Variants in NCAM1 observed in about 807,000 individuals in gnomAD.
The protein encoded by NCAM1 is antigen recognized by monoclonal antibody 5.1H11.
A neutral mutation model predicts 109.8 loss-of-function variants in NCAM1; 14 were observed. The observed-to-expected ratio is 0.13, with a 90% CI of 0.08 to 0.20. NCAM1 has a LOEUF of 0.20. NCAM1 is among the 10% of genes least tolerant of loss of function. NCAM1 has a pLI of 1.00. For synonymous variants in NCAM1, 418 were observed against 442.9 expected, an observed-to-expected ratio of 0.94 and a Z score of 0.70; for missense variants, 774 against 1,109.9, an observed-to-expected ratio of 0.70 and a Z score of 4.30.
intron 1 of NCAM1, among the ~76,000 whole-genome samples, chr11:113,052,368 G>C (rs782571289): frequency 6.6e-6 from 1 of 152,172 alleles, no homozygotes; most frequent in Non-Finnish European, 1.5e-5. Flanking sequence ...GTATTTCTCA[G>C]AAATCATCTT....
chr11:113,014,318 A>C (rs1376036311), intron 1 of NCAM1, among the ~76,000 whole-genome samples: 1 of 152,106 alleles, frequency 6.6e-6, no homozygotes, highest in Non-Finnish European at 1.5e-5. Context: ...TGGAAATAGC[A>C]TTTTCTCCAA....
chr11:113,091,964 A>G (rs1939364695), intron 1 of NCAM1, among the ~76,000 whole-genome samples: 1 of 149,890 alleles, frequency 6.7e-6, no homozygotes, highest in Non-Finnish European at 1.5e-5. Context: ...TTTCTTAAGT[A>G]AAGATTGAGT....
At chr11:113,261,734 GGAGGT>G (rs1946005562) in intron 17 of NCAM1, among the ~76,000 whole-genome samples, 1 of 152,208 alleles carries the variant, frequency 6.6e-6, no homozygotes, top group South Asian at 2.1e-4. Context: ...GGGACACTTA[GGAGGT>G]GAGATCAGGT....
chr11:113,150,176 C>A (rs947379331), intron 1 of NCAM1, among the ~76,000 whole-genome samples: 2 of 152,128 alleles, frequency 1.3e-5, no homozygotes, highest in Non-Finnish European at 2.9e-5. Flanking sequence ...AGGTAAATCT[C>A]TCTTTTAGGA....
chr11:113,223,406 G>T (rs1487587279), intron 9 of NCAM1, among the ~76,000 whole-genome samples: 3 of 152,024 alleles, frequency 2.0e-5, no homozygotes, highest in Non-Finnish European at 4.4e-5. Context: ...CATTAAACAG[G>T]AGAAATTTCC....
Position 113,193,604 on chromosome 11 carries a change from G to C in NCAM1, c.53-8775G>C, listed in dbSNP as rs193281053. ...GGAGGCAGAGGTTGCAGTGAAGCGA[G>C]ATCCAGCCTGGGCAAGAAGAGCAAA... On this transcript the variant is annotated intron_variant, in intron 1 of 19. Transcript: ENST00000316851. 5.3e-5 allele frequency among the ~76,000 whole-genome samples: 8 copies of C among 152,100 alleles called. No homozygotes were observed. In the East Asian group the frequency reaches 1.4e-3, roughly 26 times the overall value.
At chr11:112,990,081 T>C (rs1951416768) in intron 1 of NCAM1, among the ~76,000 whole-genome samples, 1 of 152,192 alleles carries the variant, frequency 6.6e-6, no homozygotes, top group African/African-American at 2.4e-5. Flanking sequence ...CCAGGTGGTT[T>C]AGTGGGCATG....
At chr11:112,977,443 A>G (rs1951036259) in intron 1 of NCAM1, 1 of 151,820 alleles carries the variant, frequency 6.6e-6, no homozygotes, top group African/African-American at 2.4e-5. Flanking sequence ...TTTGGAATTT[A>G]TAAAAAATTT....
intron 1 of NCAM1, among the ~76,000 whole-genome samples, chr11:113,045,465 G>A (rs1555080627): frequency 6.6e-6 from 1 of 152,162 alleles, no homozygotes; most frequent in African/African-American, 2.4e-5. Context: ...CCCTGGGAGA[G>A]GCAATTCCCT....
chr11:113,180,085 C>T (rs1943285560), intron 1 of NCAM1, among the ~76,000 whole-genome samples: 1 of 152,200 alleles, frequency 6.6e-6, no homozygotes, highest in Admixed American at 6.5e-5. Context: ...GCTGCAGCTG[C>T]TGCTCCTTCT....
At chr11:113,142,361 G>A (rs1941861028) in intron 1 of NCAM1, among the ~76,000 whole-genome samples, 1 of 152,314 alleles carries the variant, frequency 6.6e-6, no homozygotes, top group Admixed American at 6.5e-5. Context: ...TAGAGTGAAC[G>A]ACAAGATGGT....
At chr11:113,194,603 T>C (rs1555110479) in intron 1 of NCAM1, among the ~76,000 whole-genome samples, 1 of 152,214 alleles carries the variant, frequency 6.6e-6, no homozygotes, top group Non-Finnish European at 1.5e-5. Flanking sequence ...GGCTTGTCTT[T>C]ATACCAGGAA....
intron 12 of NCAM1, 77 bp downstream of exon 12, chr11:113,232,891 A>G: frequency 7.7e-7 from 1 of 1,305,784 alleles, no homozygotes; most frequent in Non-Finnish European, 1.1e-6. Context: ...TGTGTACTTG[A>G]GTGATTCCAG....
chr11:113,067,847 G>A (rs2135537253), intron 1 of NCAM1, among the ~76,000 whole-genome samples: 1 of 152,032 alleles, frequency 6.6e-6, no homozygotes, highest in South Asian at 2.1e-4. Context: ...GGAGACTTCT[G>A]AGAGTCCTGA....
chr11:113,009,032 C>G (rs1173196221), intron 1 of NCAM1, among the ~76,000 whole-genome samples: 1 of 152,164 alleles, frequency 6.6e-6, no homozygotes, highest in Admixed American at 6.5e-5. Context: ...AGTGCAATAA[C>G]CTGGTCTAAG....
intron 1 of NCAM1, among the ~76,000 whole-genome samples, chr11:113,162,010 T>C (rs1942616793): frequency 6.6e-6 from 1 of 152,188 alleles, no homozygotes; most frequent in African/African-American, 2.4e-5. Context: ...GTTCGAGATA[T>C]TTTCAGAATT....
At chr11:113,157,277 A>G (rs1294804204) in intron 1 of NCAM1, among the ~76,000 whole-genome samples, 2 of 152,198 alleles carry the variant, frequency 1.3e-5, no homozygotes, top group East Asian at 3.9e-4. Flanking sequence ...GAGAGCACCT[A>G]GGACATTTGA....
At chr11:113,043,122 G>A (rs1555080234) in intron 1 of NCAM1, among the ~76,000 whole-genome samples, 1 of 151,970 alleles carries the variant, frequency 6.6e-6, no homozygotes, top group Admixed American at 6.5e-5. Context: ...GTGGTAAATG[G>A]GGGCCATAGG....
chr11:113,255,851 T>A, intron 15 of NCAM1, 26 bp from the exon 16 acceptor site: 1 of 1,610,932 alleles, frequency 6.2e-7, no homozygotes, highest in Non-Finnish European at 8.5e-7. Flanking sequence ...GATGAGAATT[T>A]CATGTGAATT....
Sources: gnomAD v4.1 joint callset for allele counts (sites outside exome capture counted in the v4.1 genomes callset) on GRCh38, gnomAD v4.1.1 for gene constraint, MANE v1.5 for transcripts, NCBI Gene and HGNC (gene_info 2026-07-23, HGNC 2026-07-21) for gene names.